The following TNFAIP8 variants were observed in gnomAD, a reference collection of about 807,000 sequenced individuals.
The protein encoded by TNFAIP8 is tumor necrosis factor alpha-induced protein 8.
In TNFAIP8, 7 loss-of-function variants were observed where a neutral mutation model predicts 13.3. The observed-to-expected ratio is 0.52, with a 90% CI of 0.30 to 0.99. TNFAIP8 has a LOEUF of 0.99. Ranked by LOEUF, TNFAIP8 falls within the 50% of genes least tolerant of loss-of-function variation. The pLI is 0.07. For synonymous variants in TNFAIP8, 94 were observed against 87.6 expected (o/e 1.07, Z -0.41); for missense variants, 258 against 236.9 (o/e 1.09, Z -0.58).
chr5:119,302,404 T>C (rs900048658), intron 1 of TNFAIP8, among the ~76,000 whole-genome samples: 1 of 152,224 alleles, frequency 6.6e-6, no homozygotes, highest in Non-Finnish European at 1.5e-5. Context: ...GTATGTTTCC[T>C]GCTAGAATCC....
intron 1 of TNFAIP8, among the ~76,000 whole-genome samples, chr5:119,339,263 C>G (rs1750656992): frequency 6.6e-6 from 1 of 152,130 alleles, no homozygotes; most frequent in African/African-American, 2.4e-5. Context: ...GCCTCAGTGA[C>G]CAGCTTATTG....
At chr5:119,295,029 G>C (rs1217636434) in intron 1 of TNFAIP8, among the ~76,000 whole-genome samples, 1 of 151,964 alleles carries the variant, frequency 6.6e-6, no homozygotes, top group Non-Finnish European at 1.5e-5. Context: ...TTGCTGTGCA[G>C]AAGCTCTTTA....
intron 1 of TNFAIP8, among the ~76,000 whole-genome samples, chr5:119,376,355 A>T (rs1013363243): frequency 6.8e-6 from 1 of 147,928 alleles, no homozygotes; most frequent in Non-Finnish European, 1.5e-5. Context: ...CTGTCACCTC[A>T]GGTGATCCGC....
At chr5:119,268,777 C>T in exon 1 of TNFAIP8, 1 of 677,128 alleles carries the variant, frequency 1.5e-6, no homozygotes, top group Non-Finnish European at 2.7e-6. Context: ...CCTTTTCTCC[C>T]GCCGGCTCTA....
chr5:119,393,040 T>C lies in TNFAIP8; in HGVS notation c.256T>C (p.Tyr86His). The change falls in exon 2 of 2, where the codon TAT (tyrosine) becomes CAT (histidine). Residue 86 changes from tyrosine (Y) to histidine (H), a missense_variant. Transcript: ENST00000504771. Reference protein sequence around the residue: ...IKTVIKLAILYRNNQFNQDEL... With the variant: ...IKTVIKLAILHRNNQFNQDEL... ...GACAGTCATCAAGCTGGCCATTCTT[T>C]ATAGGAATAATCAGTTTAATCAAGA... 6.2e-7 allele frequency: 1 copy of C among 1,613,652 alleles called. No homozygotes were observed. Among genetic ancestry groups the C allele is most frequent in the East Asian group, 2.2e-5 (1 of 44,826 alleles).
intron 1 of TNFAIP8, among the ~76,000 whole-genome samples, chr5:119,366,289 G>T (rs1357464155): frequency 1.3e-5 from 2 of 152,134 alleles, no homozygotes; most frequent in Non-Finnish European, 2.9e-5. Flanking sequence ...AGAAAGTGGG[G>T]TGCTGGTGTC....
Position 119,290,792 on chromosome 5 carries a change from G to C in TNFAIP8, c.1+21885G>C, listed in dbSNP as rs189116242. On this transcript the variant is annotated intron_variant, in intron 1 of 1. Coordinates refer to the TNFAIP8 transcript ENST00000274456. ...GGATTTTCAGTAGCTGAGGTTGAGG[G>C]AAAGGGTGTTGGCTGAGATAGGGCA... Among the ~76,000 whole-genome samples the C allele has an allele frequency of 2.2e-3, 328 of 152,288 alleles. 1 individual carries two copies. Among genetic ancestry groups the C allele is most frequent in the African/African-American group, 7.4e-3 (308 of 41,548 alleles).
At chr5:119,299,644 C>T (rs1187137913) in intron 1 of TNFAIP8, among the ~76,000 whole-genome samples, 1 of 152,224 alleles carries the variant, frequency 6.6e-6, no homozygotes, top group Non-Finnish European at 1.5e-5. Context: ...TCAAAGCTGT[C>T]AGACAGGGAC....
intron 1 of TNFAIP8, among the ~76,000 whole-genome samples, chr5:119,283,382 C>T (rs1190394033): frequency 6.6e-6 from 1 of 152,152 alleles, no homozygotes; most frequent in Non-Finnish European, 1.5e-5. Context: ...CCTGAAGTCC[C>T]AGCTACTCTG....
rs1749919768 is a variant in TNFAIP8, at chr5:119,317,044, G to A, written c.1+48137G>A. ...AGAGCAATGTATATGCCTGTTGTGA[G>A]GAAATAATAGCATGTAGAACTTTAC... On this transcript the variant is annotated intron_variant, in intron 1 of 1. Coordinates refer to the TNFAIP8 transcript ENST00000274456. 2.0e-5 allele frequency among the ~76,000 whole-genome samples: 3 copies of A among 152,278 alleles called. No individual in the cohort carries two copies. In the South Asian group the frequency reaches 6.2e-4, roughly 32 times the overall value.
chr5:119,385,605 AAAG>A (rs1752639546), intron 1 of TNFAIP8, among the ~76,000 whole-genome samples: 1 of 152,236 alleles, frequency 6.6e-6, no homozygotes, highest in African/African-American at 2.4e-5. Flanking sequence ...CACCTTAAAA[AAAG>A]AGAAATTCCC....
At chr5:119,354,313 T>C (rs1374402521), upstream of TNFAIP8, 1 of 152,218 alleles carries the variant, frequency 6.6e-6, no homozygotes, top group African/African-American at 2.4e-5. Context: ...TTTCCAGATG[T>C]TTCTCCTCTT....
At chr5:119,300,095 G>A (rs564315309) in intron 1 of TNFAIP8, among the ~76,000 whole-genome samples, 1,594 of 152,282 alleles carry the variant, frequency 0.01, 18 homozygotes, top group African/African-American at 0.035. Flanking sequence ...GCTTCGGCTC[G>A]CGCACGGTGC....
chr5:119,332,550 AAGAT>A (rs1750419182), intron 1 of TNFAIP8, among the ~76,000 whole-genome samples: 1 of 152,198 alleles, frequency 6.6e-6, no homozygotes, highest in African/African-American at 2.4e-5. Flanking sequence ...TAGGGAGAGT[AAGAT>A]AGATAAACAA....
At chr5:119,312,677 A>G (rs1205072716) in intron 1 of TNFAIP8, among the ~76,000 whole-genome samples, 1 of 147,588 alleles carries the variant, frequency 6.8e-6, no homozygotes, top group Non-Finnish European at 1.5e-5. Context: ...GGCAGGGTGG[A>G]TCCCTTGAGC....
intron 1 of TNFAIP8, among the ~76,000 whole-genome samples, chr5:119,294,334 A>G (rs1749095575): frequency 6.6e-6 from 1 of 151,984 alleles, no homozygotes; most frequent in Non-Finnish European, 1.5e-5. Context: ...ACTGAGAATG[A>G]TGATTTCCAA....
At chr5:119,341,346 C>G (rs746964512) in intron 1 of TNFAIP8, among the ~76,000 whole-genome samples, 4 of 152,200 alleles carry the variant, frequency 2.6e-5, no homozygotes, top group Non-Finnish European at 2.9e-5. Context: ...AATCTCAAGT[C>G]GTGAGACCTG....
intron 1 of TNFAIP8, among the ~76,000 whole-genome samples, chr5:119,383,001 A>C (rs943197144): frequency 2.0e-5 from 3 of 152,238 alleles, no homozygotes; most frequent in Non-Finnish European, 1.5e-5. Context: ...TCTTTATTGC[A>C]CTAATCCTCA....
chr5:119,363,058 C>T (rs981773571), intron 1 of TNFAIP8, among the ~76,000 whole-genome samples: 1 of 151,938 alleles, frequency 6.6e-6, no homozygotes, highest in African/African-American at 2.4e-5. Context: ...CTGAGAATAT[C>T]CACTTTTACA....
Sources: gnomAD v4.1 joint callset for allele counts (sites outside exome capture counted in the v4.1 genomes callset) on GRCh38, gnomAD v4.1.1 for gene constraint, MANE v1.5 for transcripts, NCBI Gene and HGNC (gene_info 2026-07-23, HGNC 2026-07-21) for gene names.